ZC4H2: variants seen among roughly 807,000 people sequenced by gnomAD.
ZC4H2 encodes the protein zinc finger C4H2-type containing, also known as zinc finger C4H2 domain-containing protein.
For missense variants in ZC4H2, 137 were observed against 173.9 expected, an observed-to-expected ratio of 0.79 and a Z score of 1.19; for synonymous variants, 84 against 66.3, an observed-to-expected ratio of 1.27 and a Z score of -1.30.
intron 1 of ZC4H2, among the ~76,000 whole-genome samples, chrX:64,928,390 C>T (rs914494687): frequency 8.9e-6 from 1 of 111,976 alleles, no homozygotes; most frequent in African/African-American, 3.2e-5. Context: ...ATCCTTTCCA[C>T]ATCACTTGTT....
chrX:65,002,106 T>C (rs1932549357), intron 1 of ZC4H2, among the ~76,000 whole-genome samples: 1 of 111,627 alleles, frequency 9.0e-6, no homozygotes, highest in Non-Finnish European at 1.9e-5. Flanking sequence ...TAGACATCTA[T>C]AGAATTCTCC....
At chrX:64,983,963 G>A (rs964721746) in intron 1 of ZC4H2, among the ~76,000 whole-genome samples, 4 of 111,337 alleles carry the variant, frequency 3.6e-5, no homozygotes, top group Non-Finnish European at 3.8e-5. Flanking sequence ...AGATTTGGGG[G>A]TACATGTGCT....
chrX:64,965,362 A>G (rs752601193), intron 1 of ZC4H2: 16 of 256,860 alleles, frequency 6.2e-5, no homozygotes, highest in South Asian at 5.9e-4. Flanking sequence ...TAGGTCAGAA[A>G]TAAACCCACA....
At chrX:65,008,649 C>G (rs1932707885) in intron 1 of ZC4H2, among the ~76,000 whole-genome samples, 1 of 112,209 alleles carries the variant, frequency 8.9e-6, no homozygotes, top group African/African-American at 3.2e-5. Flanking sequence ...AGAATGAAGT[C>G]ATGTTATTTG....
chrX:64,978,784 G>A (rs935229016), upstream of ZC4H2, among the ~76,000 whole-genome samples: 40 of 111,344 alleles, frequency 3.6e-4, no homozygotes, highest in African/African-American at 1.3e-3. Flanking sequence ...ATGGGGTCCC[G>A]AGTGTATGTA....
At chrX:64,921,244 C>A (rs758626769) in intron 2 of ZC4H2, among the ~76,000 whole-genome samples, 1 of 112,197 alleles carries the variant, frequency 8.9e-6, no homozygotes, top group Non-Finnish European at 1.9e-5. Context: ...CACTGCCAAC[C>A]TCCTTCCTTG....
chrX:64,930,214 G>T (rs964216565), intron 1 of ZC4H2, among the ~76,000 whole-genome samples: 1 of 111,806 alleles, frequency 8.9e-6, no homozygotes, highest in African/African-American at 3.2e-5. Flanking sequence ...TGTGTACATT[G>T]ATGTTGTATC....
intron 1 of ZC4H2, among the ~76,000 whole-genome samples, chrX:64,994,395 TAAACAAGTCAAATA>T (rs755247830): frequency 5.2e-4 from 58 of 112,240 alleles, no homozygotes; most frequent in East Asian, 8.3e-4. Context: ...ATGCTTTATA[TAAACAAGTCAAATA>T]AAACAAGTCA....
intron 1 of ZC4H2, among the ~76,000 whole-genome samples, chrX:64,925,560 T>A (rs1025158798): frequency 8.9e-6 from 1 of 111,887 alleles, no homozygotes; most frequent in African/African-American, 3.3e-5. Flanking sequence ...TAAGAGGGTA[T>A]CTCCCATTGC....
intron 1 of ZC4H2, among the ~76,000 whole-genome samples, chrX:64,934,013 C>T (rs1929874412): frequency 9.0e-6 from 1 of 111,629 alleles, no homozygotes. Context: ...ATTCCCCTGC[C>T]AGGCAAGCAG....
intron 1 of ZC4H2, among the ~76,000 whole-genome samples, chrX:64,965,729 A>G (rs1209366947): frequency 9.1e-6 from 1 of 110,195 alleles, no homozygotes; most frequent in Non-Finnish European, 1.9e-5. Context: ...TGAGCCCAGG[A>G]GTTCAAGACC....
upstream of ZC4H2, among the ~76,000 whole-genome samples, chrX:64,978,025 C>T (rs1932000001): frequency 1.8e-5 from 2 of 111,178 alleles, no homozygotes; most frequent in South Asian, 3.8e-4. Flanking sequence ...TGGTGACTCA[C>T]TCCCAACTAA....
In ZC4H2 at chrX:64,993,732, A is replaced by G. The variant is rs185613203; in HGVS notation, c.-272+40897T>C. Among the ~76,000 whole-genome samples, 41 of 111,738 alleles carry G rather than the reference A, an allele frequency of 3.7e-4. No homozygotes were observed. The East Asian group carries it at 6.5e-3, about 18-fold the overall frequency. ...ATTGCTAAGGGTCTTCCTCTACCCT[A>G]CTCCCCAAGAGCACCCCCTCCTCTT... On this transcript the variant is annotated intron_variant, in intron 1 of 4. Transcript: ENST00000337990.
At chrX:64,951,003 G>T (rs1446192606) in intron 1 of ZC4H2, among the ~76,000 whole-genome samples, 2 of 110,117 alleles carry the variant, frequency 1.8e-5, no homozygotes, top group Non-Finnish European at 3.8e-5. Flanking sequence ...TCCCCTTCCT[G>T]TGTCCATGTG....
At position 64,928,632 on chromosome X, in the gene ZC4H2, CCTTCTTCTTCTTCTTCTT is replaced by C. The variant is rs753426558; in HGVS notation, c.54-6662_54-6645del. Among the ~76,000 whole-genome samples the C allele has an allele frequency of 2.1e-3, 178 of 83,338 alleles. 1 individual carries two copies. Among genetic ancestry groups the C allele is most frequent in the Admixed American group, 5.3e-3 (38 of 7,105 alleles). The allele number at this position is 83,338 out of a possible 115,157, so 72.4% of individuals were successfully genotyped here. A position where few individuals can be genotyped will look rare whatever the true frequency, so the allele number is the denominator to read the frequency against. The stretch of plus-strand genomic sequence containing the variant: ...TATTCATGTCCTTTGCCTGCTTTCT[CCTTCTTCTTCTTCTTCTT>C]CTTCTTCTTCTTCTTCTTCTTCTTC... On this transcript the variant is annotated intron_variant, in intron 1 of 4. Transcript: ENST00000374839.
At chrX:65,015,264 A>C (rs751238263) in intron 1 of ZC4H2, among the ~76,000 whole-genome samples, 1 of 111,990 alleles carries the variant, frequency 8.9e-6, no homozygotes, top group East Asian at 2.8e-4. Flanking sequence ...CCCTTGAAGC[A>C]CCTACTATGT....
intron 4 of ZC4H2, 128 bp from the exon 5 acceptor site, chrX:64,918,024 G>A (rs1824795144): frequency 1.4e-6 from 1 of 740,667 alleles, no homozygotes; most frequent in African/African-American, 2.2e-5. Flanking sequence ...TAATCAGTGA[G>A]TAGACTCAAG....
rs746540220 is a variant in ZC4H2 at position 64,944,141 on chromosome X, C to CTT, written c.54-22155_54-22154dup. ...CTGGGTTAAAATTTTTTTCTTTTTT[C>CTT]TTTTTTTTTTTTTTTTTGAGATGGA... On this transcript the variant is annotated intron_variant, in intron 1 of 4. Transcript: ENST00000374839. 8.8e-4 allele frequency among the ~76,000 whole-genome samples: 78 copies of CTT among 89,138 alleles called. 1 individual carries two copies. Among genetic ancestry groups the CTT allele is most frequent in the African/African-American group, 3.1e-3 (71 of 22,938 alleles). The allele number at this position is 89,138 out of a possible 115,157, so 77.4% of individuals were successfully genotyped here.
intron 1 of ZC4H2, among the ~76,000 whole-genome samples, chrX:64,935,597 C>T (rs991448235): frequency 1.8e-5 from 2 of 112,061 alleles, no homozygotes; most frequent in African/African-American, 3.2e-5. Flanking sequence ...CTGGCAGGTG[C>T]CCCTCTGGGA....
Sources: gnomAD v4.1 joint callset for allele counts (sites outside exome capture counted in the v4.1 genomes callset) on GRCh38, gnomAD v4.1.1 for gene constraint, MANE v1.5 for transcripts, NCBI Gene and HGNC (gene_info 2026-07-23, HGNC 2026-07-21) for gene names.